Variants in SLC14A2 observed in about 807,000 individuals in gnomAD.
SLC14A2 encodes urea transporter 2.
SLC14A2 carries 91 observed loss-of-function variants against 104.6 expected under a neutral mutation model. That is an observed-to-expected ratio of 0.87 (90% CI 0.73 to 1.04). The LOEUF (loss-of-function observed/expected upper bound fraction) is 1.04. Among genes scored for constraint, SLC14A2 ranks in the 50% least tolerant of loss-of-function variants. SLC14A2 has a pLI of 0.00. For missense variants in SLC14A2, 1,189 were observed against 1,156.0 expected, an observed-to-expected ratio of 1.03 and a Z score of -0.41; for synonymous variants, 476 against 466.4, an observed-to-expected ratio of 1.02 and a Z score of -0.27.
intron 2 of SLC14A2, among the ~76,000 whole-genome samples, chr18:45,488,266 G>A (rs932029195): frequency 6.6e-6 from 1 of 152,048 alleles, no homozygotes; most frequent in African/African-American, 2.4e-5. Context: ...GGACCCCAGA[G>A]GAAAAAAACA....
rs926693743 is a variant in SLC14A2 at position 45,469,094 on chromosome 18, G to A, written c.-124-14139G>A. On this transcript the variant is annotated intron_variant, in intron 1 of 20. Transcript: ENST00000586448. ...TGCCCTTGAAGCAGGATTTGGATAT[G>A]TAGGGAAGAAAAGCAGGAAGAACAT... is the stretch of plus-strand genomic sequence containing the variant. Among the ~76,000 whole-genome samples the A allele has an allele frequency of 2.6e-5, 4 of 152,312 alleles. No homozygotes were observed. The East Asian group carries it at 7.7e-4, about 29-fold the overall frequency.
At chr18:45,337,204 A>T (rs1323904101) in intron 1 of SLC14A2, among the ~76,000 whole-genome samples, 1 of 152,130 alleles carries the variant, frequency 6.6e-6, no homozygotes, top group Non-Finnish European at 1.5e-5. Context: ...AGGATGGGGA[A>T]TATGAAGGAG....
chr18:45,338,949 TTTC>T (rs1359665686), intron 1 of SLC14A2, among the ~76,000 whole-genome samples: 1 of 151,934 alleles, frequency 6.6e-6, no homozygotes, highest in African/African-American at 2.4e-5. Context: ...CTTTTTTTTT[TTTC>T]TTGAGATAGA....
chr18:45,200,317 A>G, the SLC14A2 span, among the ~76,000 whole-genome samples: 2 of 152,190 alleles, frequency 1.3e-5, no homozygotes, highest in Non-Finnish European at 2.9e-5. Flanking sequence ...TGCCTTAAAT[A>G]CATTCAACAT....
At position 45,406,130 on chromosome 18, in the gene SLC14A2, ACTT is replaced by A. The variant is rs201662988; in HGVS notation, c.-124-77099_-124-77097del. On this transcript the variant is annotated intron_variant, in intron 1 of 20. Coordinates refer to the SLC14A2 transcript ENST00000586448. ...TTGATAGTATTTCACTCACAGTAGA[ACTT>A]CTTTCAAAATTGGAGCCAATTCTCT... 8.9e-3 allele frequency among the ~76,000 whole-genome samples: 1,351 copies of A among 152,252 alleles called. 22 individuals carry two copies. The highest frequency in any genetic ancestry group is 0.071 in the South Asian group (343 of 4,816).
intron 1 of SLC14A2, among the ~76,000 whole-genome samples, chr18:45,453,015 G>C (rs1352909224): frequency 2.0e-5 from 3 of 152,166 alleles, no homozygotes; most frequent in African/African-American, 7.2e-5. Context: ...GGACATCTTA[G>C]AGAGCAAGAT....
chr18:45,676,388 C>T (rs191220319), intron 18 of SLC14A2, among the ~76,000 whole-genome samples: 31 of 152,282 alleles, frequency 2.0e-4, no homozygotes, highest in African/African-American at 7.0e-4. Context: ...TCTAGGATAC[C>T]AGCTGGGAAA....
At chr18:45,376,712 GA>G (rs1823962722) in intron 1 of SLC14A2, among the ~76,000 whole-genome samples, 1 of 152,194 alleles carries the variant, frequency 6.6e-6, no homozygotes, top group Non-Finnish European at 1.5e-5. Flanking sequence ...ATCCCTAAAA[GA>G]GATGACTCTG....
At chr18:45,256,259 AATAG>A (rs1166139047) in intron 1 of SLC14A2, among the ~76,000 whole-genome samples, 2 of 152,256 alleles carry the variant, frequency 1.3e-5, no homozygotes, top group Non-Finnish European at 2.9e-5. Flanking sequence ...AAGGAACAGA[AATAG>A]ATAAACTATG....
intron 1 of SLC14A2, among the ~76,000 whole-genome samples, chr18:45,307,267 A>G (rs2144205748): frequency 6.6e-6 from 1 of 151,988 alleles, no homozygotes; most frequent in East Asian, 1.9e-4. Context: ...AAATACAAAA[A>G]ATTAGCTGGG....
chr18:45,241,993 A>G (rs1208142653), intron 1 of SLC14A2, among the ~76,000 whole-genome samples: 1 of 150,718 alleles, frequency 6.6e-6, no homozygotes, highest in Non-Finnish European at 1.5e-5. Context: ...TTCTCCCAAA[A>G]CTCTCCTTTT....
intron 2 of SLC14A2, among the ~76,000 whole-genome samples, chr18:45,536,860 G>A (rs936635408): frequency 6.6e-6 from 1 of 152,204 alleles, no homozygotes; most frequent in Non-Finnish European, 1.5e-5. Flanking sequence ...ATTCCCTGAA[G>A]CTGGTCTCAG....
intron 1 of SLC14A2, among the ~76,000 whole-genome samples, chr18:45,256,157 T>C (rs1468452427): frequency 6.6e-6 from 1 of 152,166 alleles, no homozygotes; most frequent in Non-Finnish European, 1.5e-5. Flanking sequence ...GTACCTTTTA[T>C]CTAACATTCC....
intron 2 of SLC14A2, among the ~76,000 whole-genome samples, chr18:45,489,194 T>C (rs192101893): frequency 6.6e-6 from 1 of 152,314 alleles, no homozygotes; most frequent in East Asian, 1.9e-4. Flanking sequence ...CTTATAGGGC[T>C]TCACATTTTA....
intron 1 of SLC14A2, among the ~76,000 whole-genome samples, chr18:45,399,988 G>A (rs2086078215): frequency 1.3e-5 from 2 of 152,180 alleles, no homozygotes; most frequent in Admixed American, 6.5e-5. Flanking sequence ...ATCACAGGCA[G>A]TTGCAATTTG....
chr18:45,194,835 G>A, the SLC14A2 span, among the ~76,000 whole-genome samples: 1 of 151,718 alleles, frequency 6.6e-6, no homozygotes, highest in East Asian at 1.9e-4. Context: ...TAGTAGAGAT[G>A]GGGTTTCACC....
chr18:45,277,144 G>A (rs1568131675), intron 1 of SLC14A2, among the ~76,000 whole-genome samples: 1 of 152,128 alleles, frequency 6.6e-6, no homozygotes, highest in South Asian at 2.1e-4. Context: ...TTTCCTTGGC[G>A]GATAAGAAAT....
chr18:45,668,095 C>T (rs1469505727), intron 14 of SLC14A2, 73 bp downstream of exon 14: 18 of 1,429,472 alleles, frequency 1.3e-5, no homozygotes, highest in Non-Finnish European at 1.7e-5. Flanking sequence ...TCTTCCTCTT[C>T]CCAGCTGAGA....
intron 1 of SLC14A2, among the ~76,000 whole-genome samples, chr18:45,370,287 C>T (rs1218514342): frequency 6.6e-6 from 1 of 152,096 alleles, no homozygotes; most frequent in Non-Finnish European, 1.5e-5. Context: ...CCAAGAGACC[C>T]CAGAAGGAGA....
Sources: allele counts gnomAD v4.1 joint callset (sites outside exome capture counted in the v4.1 genomes callset), GRCh38; gene constraint gnomAD v4.1.1; transcripts MANE v1.5; gene names NCBI Gene and HGNC (gene_info 2026-07-23, HGNC 2026-07-21).